Variants in USP45 observed in about 807,000 individuals in gnomAD.
USP45 encodes ubiquitin carboxyl-terminal hydrolase 45.
A neutral mutation model predicts 95.8 loss-of-function variants in USP45; 89 were observed. That is an observed-to-expected ratio of 0.93 (90% CI 0.78 to 1.11). The LOEUF (loss-of-function observed/expected upper bound fraction) is 1.11. USP45 is among the 50% of genes least tolerant of loss of function. USP45 has a pLI of 0.00. For synonymous variants in USP45, 281 were observed against 316.2 expected (o/e 0.89, Z 1.18); for missense variants, 898 against 942.5 (o/e 0.95, Z 0.62).
chr6:99,510,017 T>G lies in USP45; in HGVS notation c.100+104A>C, dbSNP rs1799429337. ...CATCTAGGTTTGGTGGAAAAAAATT[T>G]GTGTACAAGTTGATCCTCAGCGTTC... On this transcript the variant is annotated intron_variant, in intron 2 of 17. Coordinates refer to ENST00000500704, the MANE Select transcript of USP45 (RefSeq NM_001346022.3). 3.1e-5 allele frequency: 26 copies of G among 848,030 alleles called. No homozygotes were observed. The South Asian group carries it at 3.6e-4, about 12-fold the overall frequency. 52.5% of individuals were successfully genotyped at this position (848,030 alleles called of 1,614,324 possible).
chr6:99,439,670 G>A (rs751243434), intron 16 of USP45, 99 bp downstream of exon 16: 28 of 805,618 alleles, frequency 3.5e-5, no homozygotes, highest in Non-Finnish European at 4.8e-5. Context: ...CCTTTCAGAA[G>A]AGAAGTTATT....
intron 5 of USP45, among the ~76,000 whole-genome samples, chr6:99,492,842 T>TAGTAA (rs1795490520): frequency 6.6e-6 from 1 of 152,224 alleles, no homozygotes; most frequent in Non-Finnish European, 1.5e-5. Flanking sequence ...AATAAAAGTG[T>TAGTAA]AAGTCTTAAA....
At position 99,466,724 on chromosome 6, in the gene USP45, C is replaced by T. The variant is rs752373495; in HGVS notation, c.1055G>A (p.Arg352Gln). ...GCTAGTTAATTCACCAATAAAGATC[C>T]GATCTATGAAGTTCATTTTCACACC... ...KEGVKMNFID[R>Q]IFIGELTSTV... Residue 352 changes from arginine (R) to glutamine (Q), a missense_variant, in exon 11 of 18, where the codon CGG becomes CAG. Physicochemically the swap from Arg to Gln is conservative, Grantham distance 43. Coordinates refer to ENST00000500704, the MANE Select transcript of USP45 (RefSeq NM_001346022.3). 21 of 1,613,286 alleles carry T rather than the reference C, an allele frequency of 1.3e-5. No individual in the cohort carries two copies. Among genetic ancestry groups the T allele is most frequent in the East Asian group, 2.2e-5 (1 of 44,742 alleles).
At chr6:99,481,262 T>C (rs1034856972) in intron 8 of USP45, among the ~76,000 whole-genome samples, 4 of 152,220 alleles carry the variant, frequency 2.6e-5, no homozygotes, top group African/African-American at 9.6e-5. Context: ...ATCAAGCAAG[T>C]TGCAAAAAAT....
At chr6:99,445,741 T>C in intron 14 of USP45, 56 bp downstream of exon 14, 1 of 1,277,398 alleles carries the variant, frequency 7.8e-7, no homozygotes, top group Non-Finnish European at 1.0e-6. Context: ...GTGAAATTTG[T>C]AACTCACTAG....
Position 99,488,447 on chromosome 6 carries a change from TC to T in USP45, c.619-153del, listed in dbSNP as rs1794483471. On this transcript the variant is annotated intron_variant, in intron 6 of 17. Coordinates refer to ENST00000500704, the MANE Select transcript of USP45 (RefSeq NM_001346022.3). ...GAGTACATTTTACATTTAGTAAAGG[TC>T]ACTATTACCGATAGAGCCATGGTAA... 6 of 686,862 alleles carry T rather than the reference TC, an allele frequency of 8.7e-6. No individual in the cohort carries two copies. In the Admixed American group the frequency reaches 9.7e-5, roughly 11 times the overall value. 42.5% of individuals were successfully genotyped at this position (686,862 alleles called of 1,614,324 possible).
chr6:99,443,622 T>G lies in USP45; in HGVS notation c.2016A>C (p.Gln672His), dbSNP rs1489658342. 1.2e-6 allele frequency: 2 copies of G among 1,609,142 alleles called. No homozygotes were observed. Among genetic ancestry groups the G allele is most frequent in the Non-Finnish European group, 1.7e-6 (2 of 1,177,232 alleles). ...VEGVYTNARK[Q>H]LLISAVPAVL... ...CAGCTGGAACAGCAGAAATGAGCAA[T>G]TGCTTCCTGGCATTAGTATAAACTC... Residue 672 changes from glutamine (Q) to histidine (H), a missense_variant, in exon 15 of 18, where the codon CAA becomes CAC. Gln to His is a conservative substitution (Grantham distance 24, BLOSUM62 0). Coordinates refer to ENST00000500704, the MANE Select transcript of USP45 (RefSeq NM_001346022.3).
chr6:99,478,101 A>T (rs1019955607), intron 8 of USP45, among the ~76,000 whole-genome samples: 3 of 152,150 alleles, frequency 2.0e-5, no homozygotes, highest in African/African-American at 7.2e-5. Flanking sequence ...GGAGGAAATC[A>T]TTCCTGAACA....
chr6:99,511,648 T>C (rs1315875054), intron 1 of USP45, among the ~76,000 whole-genome samples: 1 of 151,728 alleles, frequency 6.6e-6, no homozygotes, highest in African/African-American at 2.4e-5. Context: ...AGATGGGATT[T>C]CCCCATGTTG....
intron 7 of USP45, among the ~76,000 whole-genome samples, 165 bp downstream of exon 7, chr6:99,488,035 A>G (rs551313986): frequency 6.6e-6 from 1 of 152,290 alleles, no homozygotes; most frequent in Admixed American, 6.5e-5. Context: ...TAAAGTTATG[A>G]TTTTAGAAAT....
intron 13 of USP45, among the ~76,000 whole-genome samples, chr6:99,449,910 A>G (rs775856683): frequency 2.6e-5 from 4 of 152,146 alleles, no homozygotes; most frequent in Non-Finnish European, 4.4e-5. Context: ...GGAAACTGAA[A>G]AACCTGCTCC....
intron 3 of USP45, among the ~76,000 whole-genome samples, 158 bp from the exon 4 acceptor site, chr6:99,507,689 T>G (rs1396667791): frequency 6.6e-6 from 1 of 152,240 alleles, no homozygotes; most frequent in Non-Finnish European, 1.5e-5. Context: ...CTCATTAAAT[T>G]TAATTTCTTG....
At position 99,488,824 on chromosome 6, in the gene USP45, C is replaced by T. The variant is rs1284176946; in HGVS notation, c.479-4G>A. The T allele has an allele frequency of 6.4e-7, 1 of 1,553,654 alleles. No homozygotes were observed. On this transcript the variant is annotated splice_region_variant and splice_polypyrimidine_tract_variant and intron_variant, in intron 5 of 17. Transcript: ENST00000500704. The stretch of plus-strand genomic sequence containing the variant: ...TTCATGATTCTAGAAAATGCACCTA[C>T]AAGTTAGAGAAAAAATAACTGACAC...
chr6:99,445,970 T>G lies in USP45; in HGVS notation c.1802A>C (p.Gln601Pro). The change falls in exon 14 of 18, where the codon CAA becomes CCA. Residue 601 changes from glutamine (Q) to proline (P), a missense_variant. Transcript: ENST00000500704. ...EGKHLRSYSP[Q>P]NAFQTLSQSY... Reference sequence around the variant, plus strand: ...CTGAGAAAGGGTCTGAAAAGCATTTTGGGGACTATAAGACCTCAAATGCTT... The same window carrying G: ...CTGAGAAAGGGTCTGAAAAGCATTTGGGGGACTATAAGACCTCAAATGCTT... 6.2e-7 allele frequency: 1 copy of G among 1,614,048 alleles called. No homozygotes were observed. The highest frequency in any genetic ancestry group is 8.5e-7 in the Non-Finnish European group (1 of 1,180,014).
At chr6:99,508,039 G>C (rs1798928396) in intron 3 of USP45, among the ~76,000 whole-genome samples, 1 of 152,142 alleles carries the variant, frequency 6.6e-6, no homozygotes, top group South Asian at 2.1e-4. Context: ...ACACAACCAT[G>C]AGGTTGAGGA....
chr6:99,466,247 T>C (rs577137719), intron 11 of USP45, among the ~76,000 whole-genome samples: 5 of 152,192 alleles, frequency 3.3e-5, no homozygotes, highest in African/African-American at 4.8e-5. Flanking sequence ...CTTGAATTCC[T>C]GACCTCAAGT....
intron 2 of USP45, 57 bp from the exon 3 acceptor site, chr6:99,508,839 T>C: frequency 6.7e-7 from 1 of 1,482,560 alleles, no homozygotes; most frequent in Non-Finnish European, 9.0e-7. Context: ...AGTGCTACCA[T>C]TACTGAGCAA....
chr6:99,459,348 G>T (rs1785842233), intron 13 of USP45, among the ~76,000 whole-genome samples: 1 of 152,072 alleles, frequency 6.6e-6, no homozygotes, highest in African/African-American at 2.4e-5. Context: ...AGTATTCCAT[G>T]GTGTATATGT....
chr6:99,491,920 C>T (rs1343921035), intron 5 of USP45, among the ~76,000 whole-genome samples: 7 of 151,750 alleles, frequency 4.6e-5, no homozygotes, highest in East Asian at 3.9e-4. Context: ...TATATATACA[C>T]GACGCCTATT....
Sources: allele counts gnomAD v4.1 joint callset (sites outside exome capture counted in the v4.1 genomes callset), GRCh38; gene constraint gnomAD v4.1.1; transcripts MANE v1.5; gene names NCBI Gene and HGNC (gene_info 2026-07-23, HGNC 2026-07-21).